SETBP1: variants seen among roughly 807,000 people sequenced by gnomAD.
SETBP1 encodes the protein SET binding protein 1.
In SETBP1, 9 loss-of-function variants were observed where a neutral mutation model predicts 101.0. That is an observed-to-expected ratio of 0.09 (90% CI 0.05 to 0.16). The LOEUF is 0.16. Ranked by LOEUF, SETBP1 falls within the 10% of genes least tolerant of loss-of-function variation. The probability of loss-of-function intolerance (pLI) is 1.00; values close to 1 mark genes in which losing one functional copy is unlikely to be tolerated. For synonymous variants in SETBP1, 818 were observed against 788.5 expected, an observed-to-expected ratio of 1.04 and a Z score of -0.63; for missense variants, 1,858 against 2,033.8, an observed-to-expected ratio of 0.91 and a Z score of 1.66.
At chr18:44,735,676 G>C (rs1438783022) in intron 2 of SETBP1, among the ~76,000 whole-genome samples, 1 of 152,120 alleles carries the variant, frequency 6.6e-6, no homozygotes, top group African/African-American at 2.4e-5. Flanking sequence ...AAAATGAAAA[G>C]GATCAGGAAC....
At chr18:45,003,646 CT>C (rs2072663372) in intron 4 of SETBP1, among the ~76,000 whole-genome samples, 1 of 150,516 alleles carries the variant, frequency 6.6e-6, no homozygotes, top group Non-Finnish European at 1.5e-5. Flanking sequence ...GACTTCACTT[CT>C]CTTTCCACAT....
At chr18:44,684,955 A>G (rs2144097169) in intron 1 of SETBP1, among the ~76,000 whole-genome samples, 1 of 152,278 alleles carries the variant, frequency 6.6e-6, no homozygotes, top group African/African-American at 2.4e-5. Flanking sequence ...CCGAGGAACC[A>G]TTATTTTTTA....
chr18:44,828,671 A>T (rs2072290406), intron 2 of SETBP1, among the ~76,000 whole-genome samples: 1 of 152,236 alleles, frequency 6.6e-6, no homozygotes, highest in South Asian at 2.1e-4. Context: ...CTGTGGAGGA[A>T]ATTGTGTTCC....
chr18:45,029,881 A>G (rs2073253231), intron 4 of SETBP1, among the ~76,000 whole-genome samples: 1 of 151,938 alleles, frequency 6.6e-6, no homozygotes, highest in Non-Finnish European at 1.5e-5. Context: ...ACTTTGCTGA[A>G]GTTGCTTATC....
At chr18:44,825,589 A>C (rs918965225) in intron 2 of SETBP1, among the ~76,000 whole-genome samples, 2 of 152,276 alleles carry the variant, frequency 1.3e-5, no homozygotes, top group African/African-American at 4.8e-5. Flanking sequence ...GAAAACATTT[A>C]TAAAGTAAAA....
At chr18:44,890,333 G>T (rs2144778397) in intron 3 of SETBP1, among the ~76,000 whole-genome samples, 1 of 152,178 alleles carries the variant, frequency 6.6e-6, no homozygotes, top group East Asian at 1.9e-4. Flanking sequence ...AGCAGGACAA[G>T]AACGACATTG....
Position 44,950,395 on chromosome 18 carries a change from T to C in SETBP1, c.1055T>C (p.Leu352Pro). The change falls in exon 4 of 6, where the codon CTG becomes CCG. Residue 352 changes from leucine (L) to proline (P), a missense_variant. By Grantham distance (98) the Leu-to-Pro change is moderately conservative (BLOSUM62 -3). Coordinates refer to ENST00000649279, the MANE Select transcript of SETBP1 (RefSeq NM_015559.3). ...VISQTIPNPD[L>P]DWVKNAQKAF... is the part of the protein sequence containing the mutation. ...AGTCAGACCATACCAAACCCAGACC[T>C]GGATTGGGTCAAGAATGCCCAGAAA... 1 of 1,614,082 alleles carries C rather than the reference T, an allele frequency of 6.2e-7. No homozygotes were observed. The highest frequency in any genetic ancestry group is 8.5e-7 in the Non-Finnish European group (1 of 1,180,030).
chr18:44,911,364 C>G (rs947923087), intron 3 of SETBP1, among the ~76,000 whole-genome samples: 83 of 152,174 alleles, frequency 5.5e-4, no homozygotes, highest in African/African-American at 1.9e-3. Flanking sequence ...ACAGCGATTA[C>G]TTTTGCACCA....
Position 44,903,385 on chromosome 18 carries a change from A to T in SETBP1, c.540+34102A>T, listed in dbSNP as rs1822452. On this transcript the variant is annotated intron_variant, in intron 3 of 5. Coordinates refer to ENST00000649279, the MANE Select transcript of SETBP1 (RefSeq NM_015559.3). Reference sequence around the variant, plus strand: ...GGAAAAGGTAGAGAAATAGATCATTATCTGATGTTATTGACAACTTAGATC... The same window carrying T: ...GGAAAAGGTAGAGAAATAGATCATTTTCTGATGTTATTGACAACTTAGATC... 9.8e-5 allele frequency among the ~76,000 whole-genome samples: 15 copies of T among 152,296 alleles called. No homozygotes were observed. In the East Asian group the frequency reaches 2.9e-3, roughly 29 times the overall value.
At chr18:44,689,665 G>C (rs192508597) in intron 1 of SETBP1, among the ~76,000 whole-genome samples, 45 of 152,302 alleles carry the variant, frequency 3.0e-4, no homozygotes, top group Non-Finnish European at 5.4e-4. Flanking sequence ...GTGTCTCCAA[G>C]GGTTAGTCAG....
chr18:44,804,210 G>A (rs954323811), intron 2 of SETBP1, among the ~76,000 whole-genome samples: 3 of 152,076 alleles, frequency 2.0e-5, no homozygotes, highest in African/African-American at 7.2e-5. Flanking sequence ...GTGTGTGCAT[G>A]GTTGTGCAAG....
chr18:44,895,600 A>G (rs1170098974), intron 3 of SETBP1, among the ~76,000 whole-genome samples: 1 of 152,032 alleles, frequency 6.6e-6, no homozygotes, highest in Non-Finnish European at 1.5e-5. Context: ...AGGAAGTTGG[A>G]CTCACAGAGA....
intron 4 of SETBP1, among the ~76,000 whole-genome samples, chr18:44,976,451 G>A (rs914686950): frequency 6.6e-6 from 1 of 152,176 alleles, no homozygotes; most frequent in Non-Finnish European, 1.5e-5. Context: ...ACTCAGGAAA[G>A]GCAGGCTGCT....
intron 2 of SETBP1, among the ~76,000 whole-genome samples, chr18:44,774,903 G>GTT (rs199570045): frequency 7.0e-6 from 1 of 142,744 alleles, no homozygotes; most frequent in Non-Finnish European, 1.5e-5. Flanking sequence ...TTTACTTGGT[G>GTT]TTTTTTTTTT....
At chr18:44,816,480 G>C (rs1036965386) in intron 2 of SETBP1, among the ~76,000 whole-genome samples, 7 of 152,178 alleles carry the variant, frequency 4.6e-5, no homozygotes, top group South Asian at 2.1e-4. Context: ...TATGGGAAAG[G>C]CAAGTGGTAA....
intron 2 of SETBP1, among the ~76,000 whole-genome samples, chr18:44,842,840 A>G (rs2072645931): frequency 6.6e-6 from 1 of 152,224 alleles, no homozygotes; most frequent in South Asian, 2.1e-4. Context: ...ACCAACTGTT[A>G]CAGATGCAGC....
intron 2 of SETBP1, among the ~76,000 whole-genome samples, chr18:44,717,915 T>C (rs1409419843): frequency 1.9e-5 from 2 of 104,320 alleles, no homozygotes; most frequent in East Asian, 5.1e-4. Context: ...TATATGCATC[T>C]GTGTGTGTGT....
intron 3 of SETBP1, among the ~76,000 whole-genome samples, chr18:44,880,818 C>T (rs1392264871): frequency 1.3e-5 from 2 of 152,068 alleles, no homozygotes; most frequent in Non-Finnish European, 1.5e-5. Context: ...AGGGATCTGC[C>T]CCCATGGTCC....
At chr18:44,824,486 A>G (rs1864276095) in intron 2 of SETBP1, among the ~76,000 whole-genome samples, 1 of 152,196 alleles carries the variant, frequency 6.6e-6, no homozygotes, top group Non-Finnish European at 1.5e-5. Flanking sequence ...TCATAATTTT[A>G]ACAATATCAC....
Sources: allele counts gnomAD v4.1 joint callset (sites outside exome capture counted in the v4.1 genomes callset), GRCh38; gene constraint gnomAD v4.1.1; transcripts MANE v1.5; gene names NCBI Gene and HGNC (gene_info 2026-07-23, HGNC 2026-07-21).